Variants in TTC39B observed in about 807,000 individuals in gnomAD.
TTC39B encodes the protein tetratricopeptide repeat domain 39B, also known as tetratricopeptide repeat protein 39B.
In TTC39B, 92 loss-of-function variants were observed where a neutral mutation model predicts 96.6. That is an observed-to-expected ratio of 0.95 (90% CI 0.80 to 1.13). The LOEUF is 1.13. Ranked by LOEUF, TTC39B falls within the 50% of genes most tolerant of loss-of-function variation. TTC39B has a pLI of 0.00. For missense variants in TTC39B, 955 were observed against 809.3 expected, an observed-to-expected ratio of 1.18 and a Z score of -2.18; for synonymous variants, 367 against 299.4, an observed-to-expected ratio of 1.23 and a Z score of -2.33.
chr9:15,199,767 A>AAAAAAAAC (rs1278460734), intron 8 of TTC39B, 94 bp downstream of exon 8: 1 of 405,960 alleles, frequency 2.5e-6, no homozygotes, highest in Non-Finnish European at 4.6e-6. Flanking sequence ...AAAAAAAAAA[A>AAAAAAAAC]ATCCTAGTCA....
At chr9:15,206,843 T>C (rs987241581) in intron 6 of TTC39B, among the ~76,000 whole-genome samples, 2 of 152,150 alleles carry the variant, frequency 1.3e-5, no homozygotes, top group Non-Finnish European at 2.9e-5. Context: ...TGTGATATGG[T>C]TAGGCTTTGT....
chr9:15,239,120 T>G (rs145030862), intron 2 of TTC39B, among the ~76,000 whole-genome samples: 122 of 151,788 alleles, frequency 8.0e-4, no homozygotes, highest in African/African-American at 2.7e-3. Flanking sequence ...AGATATTTCT[T>G]AAATAAAATA....
intron 2 of TTC39B, among the ~76,000 whole-genome samples, chr9:15,260,363 T>A (rs1301965175): frequency 6.6e-6 from 1 of 151,678 alleles, no homozygotes; most frequent in Non-Finnish European, 1.5e-5. Context: ...TCGACTTGGT[T>A]AAGAAAATCA....
chr9:15,262,505 G>A (rs1447909615), intron 2 of TTC39B, among the ~76,000 whole-genome samples: 1 of 152,040 alleles, frequency 6.6e-6, no homozygotes, highest in Non-Finnish European at 1.5e-5. Flanking sequence ...TGACCTACCA[G>A]TTTTATTTTA....
intron 1 of TTC39B, among the ~76,000 whole-genome samples, chr9:15,295,733 G>A (rs1220173794): frequency 6.6e-6 from 1 of 152,166 alleles, no homozygotes; most frequent in Non-Finnish European, 1.5e-5. Flanking sequence ...CATAAATGAA[G>A]AATGTCAGAA....
intron 1 of TTC39B, among the ~76,000 whole-genome samples, chr9:15,299,574 G>A (rs1210161398): frequency 1.3e-5 from 2 of 152,036 alleles, no homozygotes; most frequent in East Asian, 3.9e-4. Context: ...CCAATGGGAG[G>A]CTCAAAAAAG....
At position 15,306,072 on chromosome 9, in the gene TTC39B, A is replaced by C. The variant is rs1351317510; in HGVS notation, c.240+1012T>G. Among the ~76,000 whole-genome samples, 1 of 152,190 alleles carries C rather than the reference A, an allele frequency of 6.6e-6. No individual in the cohort carries two copies. The highest frequency in any genetic ancestry group is 1.5e-5 in the Non-Finnish European group (1 of 68,028). On this transcript the variant is annotated intron_variant, in intron 1 of 19. Transcript: ENST00000512701. The surrounding 1 kb of genome is among the most constrained non-coding windows in gnomAD (Gnocchi z 5.1). ...CCTTGTCAGGAGATTCCTGGCACTA[A>C]AGAGATGGACGGGAAACTTAACCGC... is the stretch of plus-strand genomic sequence containing the variant.
At chr9:15,195,666 T>G (rs1250701831) in intron 8 of TTC39B, among the ~76,000 whole-genome samples, 1 of 95,408 alleles carries the variant, frequency 1.0e-5, no homozygotes, top group African/African-American at 4.0e-5. Context: ...GGAGACTCCA[T>G]CTCCAAAAAA....
At chr9:15,247,782 T>G (rs1277714519) in intron 2 of TTC39B, among the ~76,000 whole-genome samples, 1 of 151,846 alleles carries the variant, frequency 6.6e-6, no homozygotes, top group Non-Finnish European at 1.5e-5. Flanking sequence ...CTATGCATTT[T>G]CCTGTTTCAT....
At chr9:15,271,587 A>T (rs1159702883) in intron 1 of TTC39B, among the ~76,000 whole-genome samples, 1 of 151,838 alleles carries the variant, frequency 6.6e-6, no homozygotes, top group Non-Finnish European at 1.5e-5. Flanking sequence ...GCCACCGCTG[A>T]TCTAACACGG....
chr9:15,214,131 T>C lies in TTC39B; in HGVS notation c.482+8A>G. 1 of 1,599,042 alleles carries C rather than the reference T, an allele frequency of 6.3e-7. No homozygotes were observed. The highest frequency in any genetic ancestry group is 2.2e-5 in the East Asian group (1 of 44,766). Reference sequence around the variant, plus strand: ...GATATTTTATCTAAAAGAGACAAAGTAAATTACCAGGGGCGAAGCAATTCT... The same window carrying C: ...GATATTTTATCTAAAAGAGACAAAGCAAATTACCAGGGGCGAAGCAATTCT... On this transcript the variant is annotated splice_region_variant and intron_variant, in intron 4 of 19. Coordinates refer to ENST00000512701, the Ensembl canonical transcript of TTC39B.
intron 1 of TTC39B, among the ~76,000 whole-genome samples, chr9:15,297,988 A>C (rs758175704): frequency 3.9e-5 from 6 of 152,156 alleles, no homozygotes; most frequent in Non-Finnish European, 7.3e-5. Context: ...CTGGCATTTG[A>C]ATCCATGAAC....
At chr9:15,191,157 C>T in intron 10 of TTC39B, 33 bp downstream of exon 10, 1 of 1,455,218 alleles carries the variant, frequency 6.9e-7, no homozygotes, top group Non-Finnish European at 9.6e-7. Flanking sequence ...TCTTATCTTC[C>T]CTGTCAAAAT....
exon 10 of TTC39B, chr9:15,191,220 T>C (rs766274198): frequency 6.2e-7 from 1 of 1,610,222 alleles, no homozygotes; most frequent in South Asian, 1.1e-5. Context: ...TAAATTCTAG[T>C]AGTCTGATAA....
intron 8 of TTC39B, among the ~76,000 whole-genome samples, chr9:15,194,098 C>T (rs906733481): frequency 6.6e-6 from 1 of 152,044 alleles, no homozygotes; most frequent in Non-Finnish European, 1.5e-5. Flanking sequence ...TGTGCTTCTG[C>T]AAAATATTAA....
At chr9:15,200,719 G>A (rs933491314) in intron 7 of TTC39B, among the ~76,000 whole-genome samples, 2 of 152,232 alleles carry the variant, frequency 1.3e-5, no homozygotes, top group Non-Finnish European at 2.9e-5. Flanking sequence ...AAGATGCTCT[G>A]GCTGGGCGTG....
chr9:15,177,754 A>C, exon 18 of TTC39B: 2 of 1,613,608 alleles, frequency 1.2e-6, no homozygotes, highest in Non-Finnish European at 1.7e-6. Context: ...TAAGTTCTTG[A>C]GGCAACATCC....
intron 2 of TTC39B, among the ~76,000 whole-genome samples, chr9:15,244,064 T>C (rs766438439): frequency 3.9e-5 from 6 of 152,230 alleles, no homozygotes; most frequent in Admixed American, 6.5e-5. Context: ...CCTGTATCTT[T>C]TCAAATTCTT....
chr9:15,285,135 G>C (rs371554916), intron 1 of TTC39B, among the ~76,000 whole-genome samples: 1 of 151,974 alleles, frequency 6.6e-6, no homozygotes, highest in Non-Finnish European at 1.5e-5. Context: ...CGTGGTGGCG[G>C]GCGCCTGTAG....
Sources: allele counts gnomAD v4.1 joint callset (sites outside exome capture counted in the v4.1 genomes callset), GRCh38; gene constraint gnomAD v4.1.1; non-coding constraint Gnocchi (gnomAD v3.1); transcripts MANE v1.5; gene names NCBI Gene and HGNC (gene_info 2026-07-23, HGNC 2026-07-21).